The following RNF13 variants were observed in gnomAD, a reference collection of about 807,000 sequenced individuals.
RNF13 encodes the protein ring finger protein 13, also known as E3 ubiquitin-protein ligase RNF13.
In RNF13, 19 loss-of-function variants were observed where a neutral mutation model predicts 37.7. The observed-to-expected ratio is 0.50, with a 90% confidence interval of 0.35 to 0.74. The LOEUF is 0.74. Among genes scored for constraint, RNF13 ranks in the 30% least tolerant of loss-of-function variants. The pLI, the probability that RNF13 is intolerant of heterozygous loss-of-function variation, is 0.01. For missense variants in RNF13, 375 were observed against 453.0 expected, an observed-to-expected ratio of 0.83 and a Z score of 1.56; for synonymous variants, 144 against 157.8, an observed-to-expected ratio of 0.91 and a Z score of 0.65.
At chr3:149,863,114 T>G (rs147709345) in intron 3 of RNF13, among the ~76,000 whole-genome samples, 2 of 152,268 alleles carry the variant, frequency 1.3e-5, no homozygotes, top group African/African-American at 4.8e-5. Flanking sequence ...CTTTGAATTC[T>G]GAATACTGAA....
At chr3:149,813,656 T>C (rs780442213) in intron 1 of RNF13, among the ~76,000 whole-genome samples, 5 of 152,266 alleles carry the variant, frequency 3.3e-5, no homozygotes, top group Non-Finnish European at 7.4e-5. Flanking sequence ...CTGGAAAACA[T>C]GTTTGGAAGG....
At chr3:149,950,810 G>A (rs1721253442) in intron 8 of RNF13, among the ~76,000 whole-genome samples, 1 of 152,076 alleles carries the variant, frequency 6.6e-6, no homozygotes, top group Admixed American at 6.6e-5. Context: ...TGGCCCAAGG[G>A]TCTGAACTTC....
chr3:149,922,368 A>G (rs1216090882), intron 8 of RNF13, among the ~76,000 whole-genome samples: 3 of 152,252 alleles, frequency 2.0e-5, no homozygotes, highest in African/African-American at 4.8e-5. Flanking sequence ...TTAAGAATGA[A>G]TGAATAAATA....
chr3:149,922,359 T>G (rs748497535), intron 8 of RNF13, among the ~76,000 whole-genome samples: 2 of 152,194 alleles, frequency 1.3e-5, no homozygotes, highest in Non-Finnish European at 2.9e-5. Context: ...GACTTTCAGT[T>G]AAGAATGAAT....
intron 8 of RNF13, among the ~76,000 whole-genome samples, chr3:149,941,110 G>T (rs1720215852): frequency 6.6e-6 from 1 of 152,006 alleles, no homozygotes; most frequent in African/African-American, 2.4e-5. Context: ...TAGACATTTG[G>T]ATTGTTTCCA....
In RNF13 at chr3:149,941,530, G is replaced by GTT. The variant is rs61171032; in HGVS notation, c.701-18506_701-18505dup. Among the ~76,000 whole-genome samples the GTT allele has an allele frequency of 6.6e-4, 95 of 144,444 alleles. 1 individual carries two copies. Among genetic ancestry groups the GTT allele is most frequent in the African/African-American group, 2.2e-3 (86 of 39,192 alleles). The allele number at this position is 144,444 out of a possible 152,430, so 94.8% of individuals were successfully genotyped here. Reference sequence around the variant, plus strand: ...AGTCATTTTCTCATTTTTAAATTAGGTTTTTTTTTTTTTTTTTTTTTACTG... The same window carrying GTT: ...AGTCATTTTCTCATTTTTAAATTAGGTTTTTTTTTTTTTTTTTTTTTTTACTG... On this transcript the variant is annotated intron_variant, in intron 8 of 9. Coordinates refer to ENST00000392894, the MANE Select transcript of RNF13 (RefSeq NM_183381.3).
chr3:149,866,333 T>G (rs968248180), intron 3 of RNF13, among the ~76,000 whole-genome samples: 1 of 152,174 alleles, frequency 6.6e-6, no homozygotes, highest in African/African-American at 2.4e-5. Context: ...AAGGGGTAGA[T>G]TATTTATGCC....
chr3:149,872,885 T>TA (rs1256955286), intron 4 of RNF13, among the ~76,000 whole-genome samples: 1 of 152,368 alleles, frequency 6.6e-6, no homozygotes, highest in East Asian at 1.9e-4. Flanking sequence ...GAAGAAATGA[T>TA]ACCTCCATAG....
chr3:149,929,031 C>A (rs536069616), intron 8 of RNF13, among the ~76,000 whole-genome samples: 1 of 152,150 alleles, frequency 6.6e-6, no homozygotes, highest in Non-Finnish European at 1.5e-5. Context: ...TTATAACCTA[C>A]AACTTTGATG....
At chr3:149,814,086 C>A (rs1440669963) in intron 1 of RNF13, 2 of 152,140 alleles carry the variant, frequency 1.3e-5, no homozygotes, top group African/African-American at 4.8e-5. Context: ...CCAAAACTGT[C>A]GTTTCATCAT....
intron 6 of RNF13, among the ~76,000 whole-genome samples, chr3:149,910,529 T>C (rs1406660591): frequency 6.6e-6 from 1 of 152,164 alleles, no homozygotes; most frequent in Non-Finnish European, 1.5e-5. Context: ...GATTTAAAAA[T>C]AGTCTCGGAA....
At chr3:149,856,158 T>A (rs1045585488) in intron 3 of RNF13, among the ~76,000 whole-genome samples, 3 of 152,130 alleles carry the variant, frequency 2.0e-5, no homozygotes, top group Non-Finnish European at 4.4e-5. Context: ...GTCTGCTTTT[T>A]GCACTTGACA....
At chr3:149,831,195 C>T (rs897885916) in intron 1 of RNF13, among the ~76,000 whole-genome samples, 5 of 152,198 alleles carry the variant, frequency 3.3e-5, no homozygotes, top group African/African-American at 1.2e-4. Context: ...TGGGGACTGC[C>T]TAGTGGAGCT....
intron 1 of RNF13, among the ~76,000 whole-genome samples, chr3:149,841,429 A>C (rs1722166562): frequency 6.6e-6 from 1 of 152,312 alleles, no homozygotes; most frequent in East Asian, 1.9e-4. Flanking sequence ...ATACAATTTA[A>C]TAAGATTTGT....
At chr3:149,835,667 T>TTTGTG (rs1553751537) in intron 1 of RNF13, among the ~76,000 whole-genome samples, 16 of 87,996 alleles carry the variant, frequency 1.8e-4, no homozygotes, top group Middle Eastern at 5.4e-3. Flanking sequence ...GTGTGTGTGT[T>TTTGTG]TGTGTGTGTG....
In RNF13 at chr3:149,895,461, T is replaced by C. The variant is rs1715147481; in HGVS notation, c.322-12T>C. 1.4e-6 allele frequency: 2 copies of C among 1,474,182 alleles called. No individual in the cohort carries two copies. Among genetic ancestry groups the C allele is most frequent in the African/African-American group, 2.9e-5 (2 of 69,736 alleles). The allele number at this position is 1,474,182 out of a possible 1,614,324, so 91.3% of individuals were successfully genotyped here. ...TATAACATAATTTTTTTTTTTTTTT[T>C]TTGCTTTGCAGGTTTTAAATGCACA... On this transcript the variant is annotated splice_polypyrimidine_tract_variant and intron_variant, in intron 4 of 9. Coordinates refer to ENST00000392894, the MANE Select transcript of RNF13 (RefSeq NM_183381.3).
At chr3:149,899,406 G>A (rs1282199442) in intron 5 of RNF13, among the ~76,000 whole-genome samples, 1 of 152,154 alleles carries the variant, frequency 6.6e-6, no homozygotes, top group Non-Finnish European at 1.5e-5. Context: ...CCGAGATCGT[G>A]CCACTGCACT....
At chr3:149,925,080 G>A (rs114308803) in intron 8 of RNF13, among the ~76,000 whole-genome samples, 1,833 of 152,238 alleles carry the variant, frequency 0.012, 29 homozygotes, top group African/African-American at 0.041. Flanking sequence ...AGAGGAGGAG[G>A]TATTGGAGCT....
intron 1 of RNF13, among the ~76,000 whole-genome samples, chr3:149,831,520 G>A (rs1721051847): frequency 6.6e-6 from 1 of 152,126 alleles, no homozygotes; most frequent in African/African-American, 2.4e-5. Flanking sequence ...TCTCCCGTTT[G>A]GAATGGGTGT....
Sources: gnomAD v4.1 joint callset for allele counts (sites outside exome capture counted in the v4.1 genomes callset) on GRCh38, gnomAD v4.1.1 for gene constraint, MANE v1.5 for transcripts, NCBI Gene and HGNC (gene_info 2026-07-23, HGNC 2026-07-21) for gene names.